ANAPC2: variants seen among roughly 807,000 people sequenced by gnomAD.
The protein encoded by ANAPC2 is anaphase promoting complex subunit 2.
ANAPC2 carries 29 observed loss-of-function variants against 84.3 expected under a neutral mutation model. The observed-to-expected ratio is 0.34, with a 90% CI of 0.26 to 0.47. ANAPC2 has a LOEUF of 0.47. ANAPC2 is among the 20% of genes least tolerant of loss of function. The probability of loss-of-function intolerance (pLI) is 1.00; values close to 1 mark genes in which losing one functional copy is unlikely to be tolerated. For synonymous variants in ANAPC2, 571 were observed against 479.4 expected (o/e 1.19, Z -2.50); for missense variants, 857 against 1,131.7 (o/e 0.76, Z 3.48).
Position 137,175,489 on chromosome 9 carries a change from C to T in ANAPC2, c.2021-17G>A, listed in dbSNP as rs372740975. The T allele has an allele frequency of 9.4e-5, 144 of 1,539,206 alleles. No individual in the cohort carries two copies. Among genetic ancestry groups the T allele is most frequent in the South Asian group, 5.0e-4 (42 of 84,160 alleles). ...TCCAGCTGGCTGCGTGCAGAGTCAC[C>T]GGGACGCTGGGCAGCCTGGGCACGG... On this transcript the variant is annotated splice_polypyrimidine_tract_variant and intron_variant, in intron 11 of 12. Transcript: ENST00000323927.
At chr9:137,176,105 A>G in intron 10 of ANAPC2, 1 of 400,470 alleles carries the variant, frequency 2.5e-6, no homozygotes, top group Non-Finnish European at 4.6e-6. Flanking sequence ...ATGTGGCCAT[A>G]TTTGCAAACA....
rs1438992529 is a variant in ANAPC2 at position 137,187,661 on chromosome 9, C to A, written c.560G>T (p.Ser187Ile). The stretch of plus-strand genomic sequence containing the variant: ...TGTGCCCCCTTCCCCCTTCCTCTTA[C>A]TCTGCATATAGACTCTCAAGAAGCA... ...YGCFLRVYMQ[S>I]KRKGEGGTDP... Residue 187 changes from serine (S) to isoleucine (I), a missense_variant, in exon 2 of 13, where the codon AGT (serine) becomes ATT (isoleucine). By Grantham distance (142) the Ser-to-Ile change is moderately radical (BLOSUM62 -2). Coordinates refer to ENST00000323927, the MANE Select transcript of ANAPC2 (RefSeq NM_013366.4). 2.5e-6 allele frequency: 4 copies of A among 1,614,100 alleles called. No individual in the cohort carries two copies. The highest frequency in any genetic ancestry group is 3.4e-6 in the Non-Finnish European group (4 of 1,180,032).
rs780569538 is a variant in ANAPC2, at chr9:137,180,295, G to A, written c.1776C>T (p.Tyr592=). The change falls in exon 10 of 13, where the codon TAC becomes TAT. Residue 592 remains tyrosine (Y), a synonymous_variant. Coordinates refer to ENST00000323927, the MANE Select transcript of ANAPC2 (RefSeq NM_013366.4). ...PAEEQPPFGV[Y]AVILSSEFWP... is the part of the protein sequence containing the mutation. The stretch of plus-strand genomic sequence containing the variant: ...AGAACTCACTGGACAGGATGACAGC[G>A]TAGACCCCGAACGGTGGCTGCTCCT... The A allele has an allele frequency of 1.3e-5, 21 of 1,613,522 alleles. No individual in the cohort carries two copies. Among genetic ancestry groups the A allele is most frequent in the African/African-American group, 5.3e-5 (4 of 74,954 alleles).
chr9:137,188,220 C>G, intron 1 of ANAPC2, 117 bp from the exon 2 acceptor site: 2 of 1,412,632 alleles, frequency 1.4e-6, no homozygotes, highest in Admixed American at 4.7e-5. Context: ...GTCCGTGCTG[C>G]CCGGACGTTG....
chr9:137,186,394 A>G (rs1389195527), intron 2 of ANAPC2, 38 bp from the exon 3 acceptor site: 1 of 1,558,906 alleles, frequency 6.4e-7, no homozygotes, highest in Non-Finnish European at 8.7e-7. Flanking sequence ...CCCAGAGCAC[A>G]CACCGGCCCC....
Position 137,187,555 on chromosome 9 carries a change from T to A in ANAPC2, c.666A>T (p.Ala222=), listed in dbSNP as rs775968490. Residue 222 remains alanine, a synonymous_variant, in exon 2 of 13, where the codon GCA becomes GCT. Coordinates refer to ENST00000323927, the MANE Select transcript of ANAPC2 (RefSeq NM_013366.4). ...YYRLLQSPLC[A]GCSSDKQQCW... is the part of the protein sequence containing the mutation. ...ACTGTTGCTTGTCACTGCTGCACCC[T>A]GCACACAGCGGGCTCTGCAGGAGCC... The A allele has an allele frequency of 6.2e-7, 1 of 1,613,896 alleles. No homozygotes were observed. Among genetic ancestry groups the A allele is most frequent in the Non-Finnish European group, 8.5e-7 (1 of 1,180,030 alleles).
intron 8 of ANAPC2, 57 bp from the exon 9 acceptor site, chr9:137,180,584 C>T: frequency 6.2e-7 from 1 of 1,608,996 alleles, no homozygotes. Flanking sequence ...CCAAGGAGCA[C>T]CTGTGGCAGG....
intron 6 of ANAPC2, 50 bp from the exon 7 acceptor site, chr9:137,181,912 A>C (rs551357840): frequency 3.2e-6 from 5 of 1,538,984 alleles, no homozygotes; most frequent in East Asian, 2.3e-5. Context: ...CCCCGCGCGC[A>C]CCTCCCACCA....
In ANAPC2 at chr9:137,188,374, G is replaced by A. The variant is rs757881118; in HGVS notation, c.117+42C>T. The A allele has an allele frequency of 4.4e-6, 7 of 1,581,256 alleles. No homozygotes were observed. In the East Asian group the frequency reaches 1.4e-4, roughly 31 times the overall value. On this transcript the variant is annotated intron_variant, in intron 1 of 12. Transcript: ENST00000323927. ...GCGGCCCCAAAGCGCGTACGGTCCC[G>A]GAAACTCCGCGCGGGGCCGCCCCTC...
chr9:137,175,693 G>C lies in ANAPC2; in HGVS notation c.2020+15C>G. ...GTGTGGCCGGGGCAGGCCAGCTAGG[G>C]GCTGGTGGGCTCACCTTGGTCCTGA... is the stretch of plus-strand genomic sequence containing the variant. On this transcript the variant is annotated intron_variant, in intron 11 of 12. Coordinates refer to ENST00000323927, the MANE Select transcript of ANAPC2 (RefSeq NM_013366.4). 1 of 1,606,616 alleles carries C rather than the reference G, an allele frequency of 6.2e-7. No homozygotes were observed. Among genetic ancestry groups the C allele is most frequent in the Non-Finnish European group, 8.5e-7 (1 of 1,176,058 alleles).
At chr9:137,179,762 G>C (rs773317260) in intron 10 of ANAPC2, among the ~76,000 whole-genome samples, 1 of 152,212 alleles carries the variant, frequency 6.6e-6, no homozygotes, top group African/African-American at 2.4e-5. Flanking sequence ...GCTGCCCTGG[G>C]CAGAGGGCAG....
intron 6 of ANAPC2, 78 bp from the exon 7 acceptor site, chr9:137,181,940 C>T (rs187170492): frequency 4.2e-5 from 62 of 1,482,356 alleles, no homozygotes; most frequent in Non-Finnish European, 5.3e-5. Flanking sequence ...CAGTCCCGGC[C>T]CCATCTAGGC....
intron 8 of ANAPC2, 54 bp from the exon 9 acceptor site, chr9:137,180,581 G>A: frequency 6.2e-7 from 1 of 1,607,982 alleles, no homozygotes; most frequent in Middle Eastern, 1.7e-4. Context: ...GCCCCAAGGA[G>A]CACCTGTGGC....
At chr9:137,186,500 C>T in intron 2 of ANAPC2, 144 bp from the exon 3 acceptor site, 1 of 1,206,048 alleles carries the variant, frequency 8.3e-7, no homozygotes, top group East Asian at 2.6e-5. Context: ...TCCCCACAAT[C>T]CTCAGCTGTG....
intron 10 of ANAPC2, among the ~76,000 whole-genome samples, chr9:137,178,642 T>G (rs971080576): frequency 6.6e-5 from 10 of 152,138 alleles, no homozygotes; most frequent in Non-Finnish European, 1.3e-4. Context: ...GACACCAGGC[T>G]GTATCACAGG....
At position 137,176,122 on chromosome 9, in the gene ANAPC2, A is replaced by G; in HGVS notation, c.1891-285T>C. 3 of 351,930 alleles carry G rather than the reference A, an allele frequency of 8.5e-6. No individual in the cohort carries two copies. In the South Asian group the frequency reaches 1.1e-4, roughly 12 times the overall value. 21.8% of individuals were successfully genotyped at this position (351,930 alleles called of 1,614,324 possible). On this transcript the variant is annotated intron_variant, in intron 10 of 12. Coordinates refer to ENST00000323927, the MANE Select transcript of ANAPC2 (RefSeq NM_013366.4). ...GTGGCCATATTTGCAAACAGGGTTG[A>G]TGCAGATGTAACTGAGGTGCATCCT...
At chr9:137,182,009 C>G in intron 6 of ANAPC2, 147 bp from the exon 7 acceptor site, 2 of 821,004 alleles carry the variant, frequency 2.4e-6, no homozygotes, top group Non-Finnish European at 3.6e-6. Flanking sequence ...TAAACACAGG[C>G]CCGTCAGACT....
chr9:137,181,708 C>A lies in ANAPC2; in HGVS notation c.1441G>T (p.Val481Phe). ...EDDSGEPEDWVPDPVDADPGK... is the reference protein window; with the variant it reads ...EDDSGEPEDWFPDPVDADPGK... ...GGATCGGCATCCACAGGGTCCGGGACCCAGTCCTCTGGCTCGCCTGAGTCA... is the reference window on the plus strand; with the variant it reads ...GGATCGGCATCCACAGGGTCCGGGAACCAGTCCTCTGGCTCGCCTGAGTCA... The change falls in exon 7 of 13, where the codon GTC becomes TTC. Residue 481 changes from valine to phenylalanine, a missense_variant. This residue lies in a region of ANAPC2 where 425 missense variants were observed against 595.5 expected (regional missense o/e 0.71). Coordinates refer to ENST00000323927, the MANE Select transcript of ANAPC2 (RefSeq NM_013366.4). The A allele has an allele frequency of 1.2e-6, 2 of 1,611,036 alleles. No homozygotes were observed. Among genetic ancestry groups the A allele is most frequent in the Non-Finnish European group, 1.7e-6 (2 of 1,178,856 alleles).
rs150695160 is a variant in ANAPC2 at position 137,181,910 on chromosome 9, G to A, written c.1287-48C>T. On this transcript the variant is annotated intron_variant, in intron 6 of 12. Coordinates refer to ENST00000323927, the MANE Select transcript of ANAPC2 (RefSeq NM_013366.4). ...GGCCCACAGTGTGGACACCCCGCGCGCACCTCCCACCACTCATTCCAGTCC... is the reference window on the plus strand; with the variant it reads ...GGCCCACAGTGTGGACACCCCGCGCACACCTCCCACCACTCATTCCAGTCC... 457 of 1,553,312 alleles carry A rather than the reference G, an allele frequency of 2.9e-4. 4 individuals carry two copies. In the East Asian group the frequency reaches 9.5e-3, roughly 32 times the overall value.
Sources: allele counts gnomAD v4.1 joint callset (sites outside exome capture counted in the v4.1 genomes callset), GRCh38; gene constraint gnomAD v4.1.1; regional missense constraint gnomAD v4.1.1; transcripts MANE v1.5; gene names NCBI Gene and HGNC (gene_info 2026-07-23, HGNC 2026-07-21).